The following CDH13 variants were observed in gnomAD, a reference collection of about 807,000 sequenced individuals.
The protein encoded by CDH13 is cadherin 13, also known as cadherin-13.
Under a neutral mutation model 63.8 loss-of-function variants are expected in CDH13, and 24 were observed. The observed-to-expected ratio is 0.38, with a 90% CI of 0.27 to 0.53. The LOEUF (loss-of-function observed/expected upper bound fraction) is 0.53. CDH13 is among the 20% of genes least tolerant of loss of function. The probability of loss-of-function intolerance (pLI) is 0.85; values close to 1 mark genes in which losing one functional copy is unlikely to be tolerated. For missense variants in CDH13, 1,049 were observed against 903.1 expected (o/e 1.16, Z -2.07); for synonymous variants, 503 against 355.3 (o/e 1.42, Z -4.67).
intron 3 of CDH13, among the ~76,000 whole-genome samples, chr16:83,102,183 C>A (rs1462653135): frequency 2.0e-5 from 3 of 152,164 alleles, no homozygotes; most frequent in Non-Finnish European, 4.4e-5. Context: ...TTCTGGTGTA[C>A]ATCTTCCAGA....
At chr16:83,428,603 T>G (rs1055557131) in intron 6 of CDH13, among the ~76,000 whole-genome samples, 2 of 152,202 alleles carry the variant, frequency 1.3e-5, no homozygotes, top group African/African-American at 4.8e-5. Flanking sequence ...ATCAGAACTT[T>G]GGTGCTTGGC....
intron 7 of CDH13, among the ~76,000 whole-genome samples, chr16:83,534,358 C>T (rs552049982): frequency 6.6e-6 from 1 of 152,126 alleles, no homozygotes; most frequent in Non-Finnish European, 1.5e-5. Flanking sequence ...TTCATTTTTC[C>T]TTTTCCTGTT....
intron 7 of CDH13, among the ~76,000 whole-genome samples, chr16:83,498,175 G>GA (rs2074191995): frequency 2.0e-5 from 3 of 152,220 alleles, no homozygotes; most frequent in Admixed American, 2.0e-4. Flanking sequence ...GGTGAGAGGA[G>GA]AGGGGGCAAG....
chr16:82,816,932 C>A (rs74029058), intron 1 of CDH13, among the ~76,000 whole-genome samples: 1 of 151,732 alleles, frequency 6.6e-6, no homozygotes, highest in South Asian at 2.1e-4. Flanking sequence ...CATTCAGGAG[C>A]GGACAGAAAA....
intron 2 of CDH13, among the ~76,000 whole-genome samples, chr16:83,018,391 A>T (rs1186122655): frequency 6.6e-6 from 1 of 152,190 alleles, no homozygotes; most frequent in African/African-American, 2.4e-5. Context: ...TGAAAAAATG[A>T]TGTTTTTAAT....
At chr16:82,946,832 C>A (rs750703632) in intron 2 of CDH13, among the ~76,000 whole-genome samples, 1 of 152,090 alleles carries the variant, frequency 6.6e-6, no homozygotes, top group African/African-American at 2.4e-5. Context: ...ATTCACTGAA[C>A]GTCAAAATGA....
intron 4 of CDH13, among the ~76,000 whole-genome samples, chr16:83,159,349 G>A (rs2151708019): frequency 6.6e-6 from 1 of 152,304 alleles, no homozygotes; most frequent in South Asian, 2.1e-4. Context: ...GCATTCTTGT[G>A]AAGTTGCTGA....
At chr16:82,680,899 C>T (rs554049684) in intron 1 of CDH13, among the ~76,000 whole-genome samples, 3 of 152,282 alleles carry the variant, frequency 2.0e-5, no homozygotes, top group Non-Finnish European at 4.4e-5. Flanking sequence ...GAAAAAGACA[C>T]CTTAAACTCA....
At chr16:82,697,478 G>A (rs2030460381) in intron 1 of CDH13, among the ~76,000 whole-genome samples, 1 of 139,988 alleles carries the variant, frequency 7.1e-6, no homozygotes, top group Non-Finnish European at 1.5e-5. Context: ...CACTGGGGCT[G>A]GAGTGCAGTG....
Position 83,720,828 on chromosome 16 carries a change from C to G in CDH13, c.1539-27280C>G, listed in dbSNP as rs941337243. On this transcript the variant is annotated intron_variant, in intron 10 of 13. Transcript: ENST00000567109. ...TAAGCCCCATGGGGCCTTGTGACTGCCTCTTCTTTCAAGCAAGGTCCTGTC... is the reference window on the plus strand; with the variant it reads ...TAAGCCCCATGGGGCCTTGTGACTGGCTCTTCTTTCAAGCAAGGTCCTGTC... 2.6e-5 allele frequency among the ~76,000 whole-genome samples: 4 copies of G among 152,192 alleles called. No individual in the cohort carries two copies. The East Asian group carries it at 7.7e-4, about 29-fold the overall frequency.
At chr16:83,224,158 A>G (rs9936659) in intron 5 of CDH13, among the ~76,000 whole-genome samples, 112,028 of 152,210 alleles carry the variant, frequency 0.74, 42,107 homozygotes, top group East Asian at 0.96. Flanking sequence ...GTTGTTGCAA[A>G]TGCCATTAAT....
At chr16:83,759,184 A>G (rs1448130794) in intron 11 of CDH13, among the ~76,000 whole-genome samples, 1 of 152,220 alleles carries the variant, frequency 6.6e-6, no homozygotes, top group African/African-American at 2.4e-5. Flanking sequence ...GTATTTGCAC[A>G]AAGATGGGAA....
intron 9 of CDH13, among the ~76,000 whole-genome samples, chr16:83,672,853 A>G (rs1239620154): frequency 6.6e-6 from 1 of 152,170 alleles, no homozygotes; most frequent in Non-Finnish European, 1.5e-5. Context: ...TCAGGTCTGG[A>G]AAATTGTCTG....
chr16:83,591,093 T>C (rs1035679294), intron 7 of CDH13, among the ~76,000 whole-genome samples: 6 of 151,696 alleles, frequency 4.0e-5, no homozygotes, highest in African/African-American at 1.5e-4. Context: ...GTATGTTTAG[T>C]AGAGATGGGG....
At chr16:82,883,978 T>C (rs192032005) in intron 2 of CDH13, among the ~76,000 whole-genome samples, 5 of 152,274 alleles carry the variant, frequency 3.3e-5, no homozygotes, top group Admixed American at 3.3e-4. Context: ...TCCTCCTCTG[T>C]AAAATGGGCT....
intron 1 of CDH13, among the ~76,000 whole-genome samples, chr16:82,733,853 C>G (rs1240557701): frequency 6.6e-6 from 1 of 152,232 alleles, no homozygotes; most frequent in Non-Finnish European, 1.5e-5. Context: ...TGCACTTATT[C>G]TTGCATTCAG....
chr16:83,605,446 G>A (rs1908237610), intron 8 of CDH13, among the ~76,000 whole-genome samples: 1 of 152,216 alleles, frequency 6.6e-6, no homozygotes, highest in Non-Finnish European at 1.5e-5. Flanking sequence ...AGGGGGCGCT[G>A]GAGCCGGAAT....
intron 4 of CDH13, among the ~76,000 whole-genome samples, chr16:83,162,292 A>G (rs955949328): frequency 8.5e-5 from 13 of 152,126 alleles, no homozygotes; most frequent in East Asian, 1.9e-4. Context: ...TGTCGTCATC[A>G]TTGTCACGAT....
At chr16:82,976,857 G>C (rs781716704) in intron 2 of CDH13, among the ~76,000 whole-genome samples, 2 of 152,110 alleles carry the variant, frequency 1.3e-5, no homozygotes. Context: ...TGCTCAGGCC[G>C]GGCTGCATTT....
Sources: allele counts gnomAD v4.1 joint callset (sites outside exome capture counted in the v4.1 genomes callset), GRCh38; gene constraint gnomAD v4.1.1; transcripts MANE v1.5; gene names NCBI Gene and HGNC (gene_info 2026-07-23, HGNC 2026-07-21).